Variants in SGCD observed in about 807,000 individuals in gnomAD.
SGCD encodes the protein sarcoglycan delta.
A neutral mutation model predicts 36.6 loss-of-function variants in SGCD; 18 were observed. That is an observed-to-expected ratio of 0.49 (90% confidence interval 0.34 to 0.73). The LOEUF is 0.73. Ranked by LOEUF, SGCD falls within the 30% of genes least tolerant of loss-of-function variation. The probability of loss-of-function intolerance (pLI) is 0.01; values close to 1 mark genes in which losing one functional copy is unlikely to be tolerated. For synonymous variants in SGCD, 133 were observed against 130.6 expected (o/e 1.02, Z -0.12); for missense variants, 387 against 346.7 (o/e 1.12, Z -0.92).
At chr5:156,470,284 C>T (rs1240478048) in intron 3 of SGCD, among the ~76,000 whole-genome samples, 1 of 152,056 alleles carries the variant, frequency 6.6e-6, no homozygotes, top group Non-Finnish European at 1.5e-5. Context: ...AAGAATTATT[C>T]CATATGCTAT....
chr5:155,992,283 G>T (rs1443562146), intron 1 of SGCD, among the ~76,000 whole-genome samples: 1 of 152,078 alleles, frequency 6.6e-6, no homozygotes, highest in Admixed American at 6.6e-5. Flanking sequence ...ATTGGTACAG[G>T]TTATACAAAT....
chr5:156,284,341 A>T (rs1477488791), intron 3 of SGCD, among the ~76,000 whole-genome samples: 1 of 152,156 alleles, frequency 6.6e-6, no homozygotes, highest in East Asian at 1.9e-4. Context: ...CATCATCCTG[A>T]TACCAAAGCC....
intron 1 of SGCD, among the ~76,000 whole-genome samples, chr5:155,998,782 C>T (rs947447094): frequency 6.6e-6 from 1 of 152,186 alleles, no homozygotes; most frequent in Non-Finnish European, 1.5e-5. Flanking sequence ...AACACCTGCT[C>T]ACACTTTCTA....
At chr5:155,810,067 T>G in the SGCD span, among the ~76,000 whole-genome samples, 133 of 152,350 alleles carry the variant, frequency 8.7e-4, 2 homozygotes, top group Admixed American at 8.6e-3. Context: ...TGATGTAGGG[T>G]TATTACTTTA....
chr5:156,171,031 A>G (rs1763332839), intron 3 of SGCD, among the ~76,000 whole-genome samples: 1 of 152,142 alleles, frequency 6.6e-6, no homozygotes, highest in Admixed American at 6.5e-5. Flanking sequence ...CTGACTTAGG[A>G]TCTGATTTCT....
At chr5:156,423,339 A>T (rs1773480282) in intron 3 of SGCD, among the ~76,000 whole-genome samples, 1 of 82,304 alleles carries the variant, frequency 1.2e-5, no homozygotes, top group African/African-American at 5.3e-5. Context: ...ATTATAATAT[A>T]ATATATTATA....
intron 3 of SGCD, among the ~76,000 whole-genome samples, chr5:156,220,964 G>A (rs1764702613): frequency 6.6e-6 from 1 of 152,136 alleles, no homozygotes; most frequent in South Asian, 2.1e-4. Flanking sequence ...ATAGGTGGAT[G>A]TCACAAACAG....
chr5:155,952,437 A>G (rs1319743506), intron 1 of SGCD, among the ~76,000 whole-genome samples: 1 of 151,980 alleles, frequency 6.6e-6, no homozygotes, highest in Non-Finnish European at 1.5e-5. Context: ...CTGTCTTTGA[A>G]CAGGTCATTT....
At chr5:156,601,873 G>A (rs932316897) in intron 6 of SGCD, among the ~76,000 whole-genome samples, 3 of 136,312 alleles carry the variant, frequency 2.2e-5, no homozygotes, top group Admixed American at 6.8e-5. Flanking sequence ...TAGTAGAGAC[G>A]GGTTTCACCG....
At chr5:156,147,771 G>A (rs1762739434) in intron 3 of SGCD, among the ~76,000 whole-genome samples, 1 of 152,138 alleles carries the variant, frequency 6.6e-6, no homozygotes, top group Non-Finnish European at 1.5e-5. Flanking sequence ...AAATAACTGG[G>A]AGAAATTCTA....
chr5:156,726,507 C>G (rs1487191482), intron 7 of SGCD, among the ~76,000 whole-genome samples: 1 of 152,172 alleles, frequency 6.6e-6, no homozygotes, highest in East Asian at 1.9e-4. Flanking sequence ...CCATGAAATT[C>G]ACTGTTTAAC....
the SGCD span, among the ~76,000 whole-genome samples, chr5:155,855,817 C>T: frequency 6.6e-6 from 1 of 152,010 alleles, no homozygotes; most frequent in African/African-American, 2.4e-5. Context: ...GAGGTCAAGT[C>T]AGGAGAATTT....
chr5:156,286,562 A>T (rs901985498), intron 3 of SGCD, among the ~76,000 whole-genome samples: 2 of 152,176 alleles, frequency 1.3e-5, no homozygotes, highest in African/African-American at 4.8e-5. Flanking sequence ...TTCTCAGCAA[A>T]CTATTGCAAG....
chr5:156,053,954 T>C (rs891663968), intron 1 of SGCD, among the ~76,000 whole-genome samples: 1 of 145,432 alleles, frequency 6.9e-6, no homozygotes, highest in Non-Finnish European at 1.5e-5. Flanking sequence ...ACTGATTCCA[T>C]TGACGAGGGT....
chr5:156,000,558 T>A (rs1394129235), intron 1 of SGCD, among the ~76,000 whole-genome samples: 3 of 152,088 alleles, frequency 2.0e-5, no homozygotes, highest in Non-Finnish European at 4.4e-5. Context: ...CAAGAAAATA[T>A]CCCCATTGAT....
chr5:156,469,849 T>C (rs1754877719), intron 3 of SGCD, among the ~76,000 whole-genome samples: 1 of 152,194 alleles, frequency 6.6e-6, no homozygotes, highest in South Asian at 2.1e-4. Flanking sequence ...TGAGAAGAAA[T>C]GCTATGAGGG....
upstream of SGCD, among the ~76,000 whole-genome samples, chr5:155,868,448 C>T (rs1205469128): frequency 8.7e-5 from 13 of 149,044 alleles, no homozygotes; most frequent in Non-Finnish European, 1.9e-4. Flanking sequence ...TCAAGCAATC[C>T]TCTTGCCTCA....
chr5:156,623,513 G>C (rs947664298), intron 6 of SGCD, among the ~76,000 whole-genome samples: 1 of 152,216 alleles, frequency 6.6e-6, no homozygotes, highest in African/African-American at 2.4e-5. Context: ...AAAAGAAGCT[G>C]AGCATATGAG....
At chr5:156,220,671 C>T (rs1159393209) in intron 3 of SGCD, among the ~76,000 whole-genome samples, 2 of 152,138 alleles carry the variant, frequency 1.3e-5, no homozygotes, top group African/African-American at 2.4e-5. Context: ...ACTGATAAAA[C>T]ATGGACACCT....
Sources: gnomAD v4.1 joint callset for allele counts (sites outside exome capture counted in the v4.1 genomes callset) on GRCh38, gnomAD v4.1.1 for gene constraint, MANE v1.5 for transcripts, NCBI Gene and HGNC (gene_info 2026-07-23, HGNC 2026-07-21) for gene names.